SYNPR: variants seen among roughly 807,000 people sequenced by gnomAD.
SYNPR encodes the protein synaptoporin.
In SYNPR, 23 loss-of-function variants were observed where a neutral mutation model predicts 32.9. That is an observed-to-expected ratio of 0.70 (90% CI 0.50 to 0.99). The LOEUF (loss-of-function observed/expected upper bound fraction) is 0.99, where lower values mean the gene tolerates loss of function less well. Ranked by LOEUF, SYNPR falls within the 50% of genes least tolerant of loss-of-function variation. The probability of loss-of-function intolerance (pLI) is 0.00; values close to 1 mark genes in which losing one functional copy is unlikely to be tolerated. For missense variants in SYNPR, 318 were observed against 349.3 expected (o/e 0.91, Z 0.71); for synonymous variants, 146 against 135.9 (o/e 1.07, Z -0.52).
At chr3:63,390,036 T>C (rs139911411) in intron 2 of SYNPR, among the ~76,000 whole-genome samples, 1 of 152,326 alleles carries the variant, frequency 6.6e-6, no homozygotes, top group East Asian at 1.9e-4. Flanking sequence ...AGCCTTTAAA[T>C]TGGACCAAGC....
At chr3:63,502,916 A>T (rs1334735418) in intron 3 of SYNPR, among the ~76,000 whole-genome samples, 1 of 152,174 alleles carries the variant, frequency 6.6e-6, no homozygotes, top group Non-Finnish European at 1.5e-5. Context: ...TAGGATTATG[A>T]ATGAAGCTAC....
intron 3 of SYNPR, among the ~76,000 whole-genome samples, chr3:63,509,649 T>C (rs1701657431): frequency 6.6e-6 from 1 of 152,008 alleles, no homozygotes; most frequent in Admixed American, 6.6e-5. Context: ...AATTGTCAGT[T>C]CATTCAGAAA....
chr3:63,564,522 C>G (rs958085437), intron 4 of SYNPR, among the ~76,000 whole-genome samples: 1 of 151,598 alleles, frequency 6.6e-6, no homozygotes, highest in Non-Finnish European at 1.5e-5. Flanking sequence ...GTGTGTCTCA[C>G]CTCCTCACTC....
intron 4 of SYNPR, among the ~76,000 whole-genome samples, chr3:63,568,283 G>A (rs942122800): frequency 6.6e-6 from 1 of 152,152 alleles, no homozygotes; most frequent in Non-Finnish European, 1.5e-5. Flanking sequence ...AATTTAAATA[G>A]TGCTGTATAT....
chr3:63,332,233 A>G (rs2087238482), intron 2 of SYNPR, among the ~76,000 whole-genome samples: 1 of 151,620 alleles, frequency 6.6e-6, no homozygotes, highest in Non-Finnish European at 1.5e-5. Context: ...ACCCCTCTTT[A>G]CTCCCTACCC....
Position 63,574,356 on chromosome 3 carries a change from A to G in SYNPR, c.408+17615A>G, listed in dbSNP as rs1238099570. Among the ~76,000 whole-genome samples, 3 of 152,194 alleles carry G rather than the reference A, an allele frequency of 2.0e-5. No homozygotes were observed. In the South Asian group the frequency reaches 6.2e-4, roughly 32 times the overall value. ...TGTTGCATTTATTCATCAAGCATTT[A>G]GTAAGCATCAACTAGATGTTGAGGA... is the stretch of plus-strand genomic sequence containing the variant. On this transcript the variant is annotated intron_variant, in intron 4 of 5. Transcript: ENST00000478300.
intron 2 of SYNPR, among the ~76,000 whole-genome samples, chr3:63,385,804 C>A (rs2088033135): frequency 6.6e-6 from 1 of 152,174 alleles, no homozygotes; most frequent in Non-Finnish European, 1.5e-5. Flanking sequence ...GTTTACGCTT[C>A]TGATGATGGG....
At chr3:63,583,313 A>T (rs1703124313) in intron 4 of SYNPR, among the ~76,000 whole-genome samples, 1 of 152,098 alleles carries the variant, frequency 6.6e-6, no homozygotes, top group Non-Finnish European at 1.5e-5. Flanking sequence ...CCTGTAGGCC[A>T]TGTGGACATA....
intron 2 of SYNPR, among the ~76,000 whole-genome samples, chr3:63,424,457 C>T (rs908030980): frequency 2.0e-5 from 3 of 152,112 alleles, no homozygotes; most frequent in Non-Finnish European, 2.9e-5. Flanking sequence ...AGAACAATCT[C>T]TACCTTGGAG....
At chr3:63,227,560 T>A (rs1269165950), upstream of SYNPR, among the ~76,000 whole-genome samples, 2 of 152,182 alleles carry the variant, frequency 1.3e-5, no homozygotes, top group African/African-American at 4.8e-5. Context: ...CAAGCTGGCA[T>A]CACATTCCAT....
rs759463563 is a variant in SYNPR, at chr3:63,602,396, TG to T, written c.409-6727del. ...TTTTTGTTTTTATCACAATTGCTTT[TG>T]GTGTTTTCATCATGAAATCTCTGCC... On this transcript the variant is annotated intron_variant, in intron 4 of 5. Coordinates refer to ENST00000478300, the MANE Select transcript of SYNPR (RefSeq NM_001130003.2). Among the ~76,000 whole-genome samples the T allele has an allele frequency of 7.2e-5, 11 of 152,340 alleles. 1 individual carries two copies. The South Asian group carries it at 1.0e-3, about 14-fold the overall frequency.
At chr3:63,368,701 G>A (rs1457595992) in intron 2 of SYNPR, among the ~76,000 whole-genome samples, 2 of 152,156 alleles carry the variant, frequency 1.3e-5, no homozygotes, top group Non-Finnish European at 2.9e-5. Context: ...GGCAGTGATG[G>A]TGTGCAGTGC....
intron 2 of SYNPR, among the ~76,000 whole-genome samples, chr3:63,429,418 C>T (rs1346491227): frequency 2.0e-5 from 3 of 152,200 alleles, no homozygotes; most frequent in Non-Finnish European, 4.4e-5. Context: ...ATTCTTAGCA[C>T]TTCTGCTCAC....
intron 3 of SYNPR, among the ~76,000 whole-genome samples, chr3:63,492,069 A>T (rs1193211555): frequency 6.6e-6 from 1 of 152,146 alleles, no homozygotes; most frequent in Non-Finnish European, 1.5e-5. Flanking sequence ...ACCAAGGAAG[A>T]GATGCAGCTA....
chr3:63,521,940 C>T (rs1701923573), intron 3 of SYNPR, among the ~76,000 whole-genome samples: 1 of 152,184 alleles, frequency 6.6e-6, no homozygotes, highest in African/African-American at 2.4e-5. Context: ...AACCAGAAAC[C>T]AGAGGACAAA....
At chr3:63,312,082 A>G (rs768440419) in intron 2 of SYNPR, among the ~76,000 whole-genome samples, 3 of 152,016 alleles carry the variant, frequency 2.0e-5, no homozygotes, top group African/African-American at 7.2e-5. Flanking sequence ...ACAAATTCTA[A>G]TGTGCAAAAA....
intron 2 of SYNPR, among the ~76,000 whole-genome samples, chr3:63,319,843 G>T (rs1232902580): frequency 6.6e-6 from 1 of 151,998 alleles, no homozygotes; most frequent in East Asian, 1.9e-4. Flanking sequence ...TCATGTTGTT[G>T]TATTGTTCTT....
intron 2 of SYNPR, among the ~76,000 whole-genome samples, chr3:63,373,775 A>T (rs1420723167): frequency 1.3e-5 from 2 of 152,136 alleles, no homozygotes; most frequent in Non-Finnish European, 2.9e-5. Flanking sequence ...ACACATAATC[A>T]TCAGATTCTT....
At chr3:63,204,736 T>G in the SYNPR span, among the ~76,000 whole-genome samples, 1 of 151,972 alleles carries the variant, frequency 6.6e-6, no homozygotes, top group South Asian at 2.1e-4. Context: ...CAGGCTGGAG[T>G]GCAGTGGCAC....
Sources: allele counts gnomAD v4.1 joint callset (sites outside exome capture counted in the v4.1 genomes callset), GRCh38; gene constraint gnomAD v4.1.1; transcripts MANE v1.5; gene names NCBI Gene and HGNC (gene_info 2026-07-23, HGNC 2026-07-21).